SH3BGRL2: variants seen among roughly 807,000 people sequenced by gnomAD.
SH3BGRL2 encodes SH3 domain binding glutamate rich protein like 2, also known as SH3 domain-binding glutamic acid-rich-like protein 2.
SH3BGRL2 carries 21 observed loss-of-function variants against 14.8 expected under a neutral mutation model. The observed-to-expected ratio is 1.42, with a 90% CI of 1.01 to 2.05. The LOEUF is 2.05. Ranked by LOEUF, SH3BGRL2 falls within the 30% of genes most tolerant of loss-of-function variation. SH3BGRL2 has a pLI of 0.00. For missense variants in SH3BGRL2, 147 were observed against 130.8 expected, an observed-to-expected ratio of 1.12 and a Z score of -0.61; for synonymous variants, 50 against 47.8, an observed-to-expected ratio of 1.05 and a Z score of -0.19.
At chr6:79,574,680 A>G in the SH3BGRL2 span, 3 of 152,208 alleles carry the variant, frequency 2.0e-5, no homozygotes, top group Non-Finnish European at 2.9e-5. Context: ...AATGACTAAA[A>G]TGGTAAATTT....
At chr6:79,557,009 T>C in the SH3BGRL2 span, among the ~76,000 whole-genome samples, 1 of 151,774 alleles carries the variant, frequency 6.6e-6, no homozygotes, top group Non-Finnish European at 1.5e-5. Context: ...TCAGAAAAAA[T>C]AAAGTACTTC....
chr6:79,702,012 A>T lies in SH3BGRL2; in HGVS notation c.*2503A>T, dbSNP rs1770468125. 6.6e-6 allele frequency: 1 copy of T among 152,630 alleles called. No homozygotes were observed. Among genetic ancestry groups the T allele is most frequent in the African/African-American group, 2.4e-5 (1 of 41,450 alleles). The allele number at this position is 152,630 out of a possible 1,614,324, so 9.5% of individuals were successfully genotyped here. On this transcript the variant is annotated 3_prime_UTR_variant, in exon 4 of 4. Transcript: ENST00000369838. Reference sequence around the variant, plus strand: ...GAAATGTGCTGCTAAAAATCAACTTATGCCATTTTAAAATTAGATAAAATA... The same window carrying T: ...GAAATGTGCTGCTAAAAATCAACTTTTGCCATTTTAAAATTAGATAAAATA...
the SH3BGRL2 span, among the ~76,000 whole-genome samples, chr6:79,599,090 A>T: frequency 1.8e-4 from 27 of 152,144 alleles, no homozygotes; most frequent in South Asian, 5.6e-3. Flanking sequence ...TCAAAAAAAA[A>T]AAAAAAAGTG....
At chr6:79,642,410 T>C (rs1421637121) in intron 1 of SH3BGRL2, among the ~76,000 whole-genome samples, 1 of 152,088 alleles carries the variant, frequency 6.6e-6, no homozygotes, top group Non-Finnish European at 1.5e-5. Flanking sequence ...AAATATACTG[T>C]GTATGTTTTT....
At chr6:79,692,655 T>A (rs924425177) in intron 2 of SH3BGRL2, among the ~76,000 whole-genome samples, 39 of 152,220 alleles carry the variant, frequency 2.6e-4, no homozygotes, top group African/African-American at 7.2e-4. Context: ...TTGTCAAAGA[T>A]CAGATGGTTG....
chr6:79,563,076 C>T, the SH3BGRL2 span, among the ~76,000 whole-genome samples: 1 of 152,162 alleles, frequency 6.6e-6, no homozygotes, highest in South Asian at 2.1e-4. Context: ...CTGCCTCAGC[C>T]TCTCGAGGAG....
At chr6:79,626,811 C>T (rs968665433), upstream of SH3BGRL2, among the ~76,000 whole-genome samples, 3 of 152,188 alleles carry the variant, frequency 2.0e-5, no homozygotes, top group African/African-American at 7.2e-5. Context: ...GGATCTTCCT[C>T]ACCTCTCTAA....
At chr6:79,635,161 T>C (rs1338688007) in intron 1 of SH3BGRL2, among the ~76,000 whole-genome samples, 1 of 152,224 alleles carries the variant, frequency 6.6e-6, no homozygotes, top group African/African-American at 2.4e-5. Context: ...GAAGAATCTT[T>C]ACCTTCCTAC....
the SH3BGRL2 span, among the ~76,000 whole-genome samples, chr6:79,586,436 T>C: frequency 1.6e-4 from 25 of 152,214 alleles, no homozygotes; most frequent in East Asian, 4.0e-3. Context: ...TGAATATGTT[T>C]ACTAAATAAA....
chr6:79,545,025 C>T, the SH3BGRL2 span, among the ~76,000 whole-genome samples: 1 of 152,206 alleles, frequency 6.6e-6, no homozygotes, highest in South Asian at 2.1e-4. Context: ...TCTCGGTCTC[C>T]CTCTAGTTCT....
the SH3BGRL2 span, among the ~76,000 whole-genome samples, chr6:79,586,235 C>G: frequency 1.0e-3 from 55 of 54,964 alleles, no homozygotes; most frequent in Admixed American, 4.2e-3. Flanking sequence ...GTATGGACTT[C>G]TTTTTTTTTT....
the SH3BGRL2 span, among the ~76,000 whole-genome samples, chr6:79,588,853 C>T: frequency 1.3e-5 from 2 of 152,192 alleles, no homozygotes; most frequent in Non-Finnish European, 2.9e-5. Context: ...GGTATTAATT[C>T]TTATGTCCAA....
chr6:79,568,986 A>G, the SH3BGRL2 span, among the ~76,000 whole-genome samples: 2 of 152,226 alleles, frequency 1.3e-5, no homozygotes, highest in Admixed American at 1.3e-4. Context: ...ATGAGTAAGC[A>G]TGGCCTGTGA....
At position 79,703,485 on chromosome 6, in the gene SH3BGRL2, T is replaced by G. The variant is rs1015093869; in HGVS notation, c.*3976T>G. The stretch of plus-strand genomic sequence containing the variant: ...AACCCCTGTGTGCCTACCACCCACC[T>G]TATTGCCTTTCCTTTGAGGTACCGT... On this transcript the variant is annotated 3_prime_UTR_variant, in exon 4 of 4. Coordinates refer to ENST00000369838, the MANE Select transcript of SH3BGRL2 (RefSeq NM_031469.4). 1 of 152,134 alleles carries G rather than the reference T, an allele frequency of 6.6e-6. No homozygotes were observed. The highest frequency in any genetic ancestry group is 1.5e-5 in the Non-Finnish European group (1 of 68,024). The allele number at this position is 152,134 out of a possible 1,614,324, so 9.4% of individuals were successfully genotyped here. A position where few individuals can be genotyped will look rare whatever the true frequency, so the allele number is the denominator to read the frequency against.
chr6:79,662,403 G>T (rs1213942123), intron 1 of SH3BGRL2, among the ~76,000 whole-genome samples: 2 of 152,102 alleles, frequency 1.3e-5, no homozygotes, highest in Non-Finnish European at 2.9e-5. Context: ...CTTCACTTAT[G>T]AAGCTTAGTT....
the SH3BGRL2 span, among the ~76,000 whole-genome samples, chr6:79,571,120 G>A: frequency 6.6e-6 from 1 of 152,250 alleles, no homozygotes; most frequent in South Asian, 2.1e-4. Context: ...AACCTTAAAA[G>A]AGCTTTGTTC....
the SH3BGRL2 span, chr6:79,553,238 A>T: frequency 3.3e-5 from 5 of 152,200 alleles, no homozygotes; most frequent in African/African-American, 1.2e-4. Flanking sequence ...TGTTACTCGG[A>T]TCAAAAATGT....
the SH3BGRL2 span, among the ~76,000 whole-genome samples, chr6:79,568,160 A>G: frequency 3.9e-5 from 6 of 152,144 alleles, no homozygotes; most frequent in Admixed American, 2.6e-4. Flanking sequence ...TAATTTGATT[A>G]TATTTAGTAA....
chr6:79,590,423 T>TGA, the SH3BGRL2 span, among the ~76,000 whole-genome samples: 25 of 51,542 alleles, frequency 4.9e-4, no homozygotes, highest in African/African-American at 2.8e-3. Context: ...AAAGAAAATG[T>TGA]GATATATATA....
Sources: allele counts gnomAD v4.1 joint callset (sites outside exome capture counted in the v4.1 genomes callset), GRCh38; gene constraint gnomAD v4.1.1; transcripts MANE v1.5; gene names NCBI Gene and HGNC (gene_info 2026-07-23, HGNC 2026-07-21).